The following TANC2 variants were observed in gnomAD, a reference collection of about 807,000 sequenced individuals.
TANC2 encodes the protein protein TANC2.
TANC2 carries 26 observed loss-of-function variants against 210.5 expected under a neutral mutation model. The ratio of observed to expected loss-of-function variants is 0.12; its 90% CI spans 0.09 to 0.17. TANC2 has a LOEUF of 0.17. Ranked by LOEUF, TANC2 falls within the 10% of genes least tolerant of loss-of-function variation. The pLI is 1.00. For missense variants in TANC2, 2,129 were observed against 2,608.9 expected (o/e 0.82, Z 4.01); for synonymous variants, 931 against 967.1 (o/e 0.96, Z 0.69).
At chr17:63,372,210 C>T (rs1486142114) in intron 14 of TANC2, among the ~76,000 whole-genome samples, 2 of 152,104 alleles carry the variant, frequency 1.3e-5, no homozygotes, top group Non-Finnish European at 1.5e-5. Flanking sequence ...TAATTTTTAC[C>T]TTGTTTCTTA....
chr17:63,148,263 C>T (rs1466697141), intron 4 of TANC2: 1 of 152,102 alleles, frequency 6.6e-6, no homozygotes, highest in Non-Finnish European at 1.5e-5. Flanking sequence ...ACTTTGTTTT[C>T]TGTAGCCGTA....
intron 19 of TANC2, among the ~76,000 whole-genome samples, chr17:63,403,437 C>G (rs1200592977): frequency 6.6e-6 from 1 of 152,024 alleles, no homozygotes; most frequent in African/African-American, 2.4e-5. Context: ...AATTATTAAA[C>G]TACTCTTGTG....
intron 5 of TANC2, chr17:63,182,788 A>G (rs1476096286): frequency 6.5e-6 from 1 of 152,986 alleles, no homozygotes; most frequent in Non-Finnish European, 1.5e-5. Flanking sequence ...AATCACTACA[A>G]AGAGAATTGT....
chr17:63,054,898 A>C (rs1044022439), intron 2 of TANC2, among the ~76,000 whole-genome samples: 9 of 152,056 alleles, frequency 5.9e-5, no homozygotes, highest in African/African-American at 2.2e-4. Flanking sequence ...AATAACCTCC[A>C]CCCCTCCTAT....
At chr17:63,176,479 C>A (rs577292083) in intron 5 of TANC2, among the ~76,000 whole-genome samples, 1 of 152,216 alleles carries the variant, frequency 6.6e-6, no homozygotes, top group African/African-American at 2.4e-5. Context: ...CTTATATAAG[C>A]TTATGTAAGA....
chr17:63,425,215 T>A (rs1056568927), exon 28 of TANC2: 16 of 152,306 alleles, frequency 1.1e-4, no homozygotes, highest in Middle Eastern at 3.4e-3. Context: ...TAGATGTGTA[T>A]AACTTAAACT....
chr17:63,402,134 G>T (rs977726054), intron 19 of TANC2, among the ~76,000 whole-genome samples: 1 of 152,142 alleles, frequency 6.6e-6, no homozygotes, highest in Non-Finnish European at 1.5e-5. Flanking sequence ...GTCTTCTCCA[G>T]TAATTCCAAT....
chr17:63,172,461 T>G (rs1397368001), intron 5 of TANC2, among the ~76,000 whole-genome samples: 3 of 152,020 alleles, frequency 2.0e-5, no homozygotes, highest in Admixed American at 2.0e-4. Flanking sequence ...GGATTACAGG[T>G]GTGAGCCACC....
chr17:63,179,649 A>T (rs1446768267), intron 5 of TANC2, among the ~76,000 whole-genome samples: 1 of 152,102 alleles, frequency 6.6e-6, no homozygotes, highest in Non-Finnish European at 1.5e-5. Context: ...TTTATGTTGA[A>T]TTGGCAAGTC....
chr17:62,971,026 G>A (rs1255637375), intron 1 of TANC2, among the ~76,000 whole-genome samples: 17 of 152,118 alleles, frequency 1.1e-4, no homozygotes, highest in Admixed American at 1.0e-3. Context: ...CAAATGCTGT[G>A]ATTATTTTGA....
exon 5 of TANC2, chr17:63,151,280 G>A (rs1238730298): frequency 1.0e-6 from 1 of 985,350 alleles, no homozygotes; most frequent in African/African-American, 1.8e-5. Flanking sequence ...CCCCTCTGAG[G>A]AAGGCAAAGT....
intron 26 of TANC2, 96 bp downstream of exon 26, chr17:63,415,770 G>C: frequency 1.7e-5 from 24 of 1,452,214 alleles, no homozygotes; most frequent in South Asian, 6.8e-5. Flanking sequence ...ATCCTCCTCT[G>C]CCCCATTTGG....
chr17:63,212,819 A>G (rs894617519), intron 7 of TANC2, among the ~76,000 whole-genome samples: 1 of 152,244 alleles, frequency 6.6e-6, no homozygotes, highest in Non-Finnish European at 1.5e-5. Flanking sequence ...TCTTTGTGCC[A>G]CAAATTAACT....
exon 28 of TANC2, chr17:63,422,734 GCCGACAATTAA>G (rs1284626323): frequency 6.6e-6 from 1 of 152,172 alleles, no homozygotes; most frequent in African/African-American, 2.4e-5. Flanking sequence ...TAGATTTTTA[GCCGACAATTAA>G]CCACTAAAAG....
At chr17:63,225,690 A>T (rs8074720) in intron 7 of TANC2, among the ~76,000 whole-genome samples, 11,564 of 152,132 alleles carry the variant, frequency 0.076, 1,383 homozygotes, top group African/African-American at 0.25. Flanking sequence ...CTCATTCTTT[A>T]CATCTAATCA....
At chr17:62,999,407 A>G (rs888591014) in intron 1 of TANC2, among the ~76,000 whole-genome samples, 3 of 152,228 alleles carry the variant, frequency 2.0e-5, no homozygotes, top group African/African-American at 7.2e-5. Flanking sequence ...GTGCAAGAAC[A>G]GCCTAATACA....
intron 1 of TANC2, among the ~76,000 whole-genome samples, chr17:62,967,900 T>G (rs1312714638): frequency 1.3e-5 from 2 of 152,096 alleles, no homozygotes; most frequent in Non-Finnish European, 2.9e-5. Context: ...GTGGAGTGCT[T>G]CTTGCAGCAT....
chr17:63,065,975 G>A (rs750338155), intron 2 of TANC2, among the ~76,000 whole-genome samples: 22 of 152,086 alleles, frequency 1.4e-4, no homozygotes, highest in African/African-American at 2.7e-4. Flanking sequence ...CCAGTGGTGC[G>A]ATCATGGCTC....
At chr17:63,392,135 G>T (rs984352882) in intron 17 of TANC2, among the ~76,000 whole-genome samples, 5 of 151,998 alleles carry the variant, frequency 3.3e-5, no homozygotes, top group African/African-American at 1.2e-4. Context: ...CCTCATACTC[G>T]CCATGGCTTC....
Sources: allele counts gnomAD v4.1 joint callset (sites outside exome capture counted in the v4.1 genomes callset), GRCh38; gene constraint gnomAD v4.1.1; transcripts MANE v1.5; gene names NCBI Gene and HGNC (gene_info 2026-07-23, HGNC 2026-07-21).